The following SRD5A1 variants were observed in gnomAD, a reference collection of about 807,000 sequenced individuals.
SRD5A1 encodes 3-oxo-5-alpha-steroid 4-dehydrogenase 1.
In SRD5A1, 22 loss-of-function variants were observed where a neutral mutation model predicts 28.2. That is an observed-to-expected ratio of 0.78 (90% CI 0.56 to 1.12). SRD5A1 has a LOEUF of 1.12. SRD5A1 is among the 50% of genes most tolerant of loss of function. The pLI, the probability that SRD5A1 is intolerant of heterozygous loss-of-function variation, is 0.00. For missense variants in SRD5A1, 300 were observed against 346.7 expected, an observed-to-expected ratio of 0.87 and a Z score of 1.07; for synonymous variants, 151 against 135.0, an observed-to-expected ratio of 1.12 and a Z score of -0.82.
intron 1 of SRD5A1, among the ~76,000 whole-genome samples, chr5:6,637,896 C>T (rs1738244105): frequency 6.6e-6 from 1 of 152,196 alleles, no homozygotes; most frequent in African/African-American, 2.4e-5. Context: ...ACTTTGATTC[C>T]TTGTATCTCT....
At position 6,669,275 on chromosome 5, in the gene SRD5A1, T is replaced by G. The variant is rs1393945213; in HGVS notation, c.*1007T>G. 1 of 152,278 alleles carries G rather than the reference T, an allele frequency of 6.6e-6. No homozygotes were observed. The highest frequency in any genetic ancestry group is 2.4e-5 in the African/African-American group (1 of 41,472). The allele number at this position is 152,278 out of a possible 1,614,324, so 9.4% of individuals were successfully genotyped here. ...ATTGTTAAAATTCTCTACAGCCTTC[T>G]TTTTCTTCCATAGCTAATCTTCCTT... On this transcript the variant is annotated 3_prime_UTR_variant, in exon 5 of 5. Transcript: ENST00000274192.
chr5:6,662,594 C>T (rs1739040747), intron 3 of SRD5A1, among the ~76,000 whole-genome samples: 1 of 152,162 alleles, frequency 6.6e-6, no homozygotes, highest in South Asian at 2.1e-4. Flanking sequence ...TGTGTATTCA[C>T]ATAGACAGGT....
At chr5:6,642,028 C>T (rs948791543) in intron 1 of SRD5A1, among the ~76,000 whole-genome samples, 11 of 152,146 alleles carry the variant, frequency 7.2e-5, no homozygotes, top group Non-Finnish European at 7.4e-5. Flanking sequence ...TAGGTATTTA[C>T]GATGAGAGAA....
At chr5:6,646,001 C>G (rs1439453778) in intron 1 of SRD5A1, among the ~76,000 whole-genome samples, 1 of 152,146 alleles carries the variant, frequency 6.6e-6, no homozygotes, top group Non-Finnish European at 1.5e-5. Context: ...CCCGATCCCC[C>G]ACCCCACAAC....
rs111987505 is a variant in SRD5A1, at chr5:6,649,507, G to A, written c.294-2335G>A. Among the ~76,000 whole-genome samples, 990 of 152,316 alleles carry A rather than the reference G, an allele frequency of 6.5e-3. 8 individuals carry two copies. The highest frequency in any genetic ancestry group is 0.023 in the African/African-American group (955 of 41,562). ...CAACCTCAAACTGCTCTGGAGCAGCGAGAATTTCAAGCCAGTGGATCTTAG... is the reference window on the plus strand; with the variant it reads ...CAACCTCAAACTGCTCTGGAGCAGCAAGAATTTCAAGCCAGTGGATCTTAG... On this transcript the variant is annotated intron_variant, in intron 1 of 4. Coordinates refer to ENST00000274192, the MANE Select transcript of SRD5A1 (RefSeq NM_001047.4).
At position 6,670,679 on chromosome 5, in the gene SRD5A1, A is replaced by T. The variant is rs1263978474; in HGVS notation, c.*2411A>T. 6.6e-6 allele frequency: 1 copy of T among 152,252 alleles called. No homozygotes were observed. The highest frequency in any genetic ancestry group is 2.4e-5 in the African/African-American group (1 of 41,464). The allele number at this position is 152,252 out of a possible 1,614,324, so 9.4% of individuals were successfully genotyped here. ...GGTAAGAAACAAGTAAGTAGCTAAA[A>T]TAATGTTAGGTAGAAAAAAATAACA... On this transcript the variant is annotated 3_prime_UTR_variant, in exon 5 of 5. Transcript: ENST00000274192.
intron 2 of SRD5A1, among the ~76,000 whole-genome samples, chr5:6,655,863 C>T (rs1025751923): frequency 5.3e-5 from 8 of 152,148 alleles, no homozygotes; most frequent in Admixed American, 2.6e-4. Context: ...ATTTTGAGTA[C>T]ATTAGATGAT....
At chr5:6,649,009 G>T (rs1261723846) in intron 1 of SRD5A1, among the ~76,000 whole-genome samples, 1 of 152,106 alleles carries the variant, frequency 6.6e-6, no homozygotes, top group African/African-American at 2.4e-5. Context: ...GAGTTTGCTG[G>T]AGGTCCGCTC....
rs1426292620 is a variant in SRD5A1 at position 6,633,457 on chromosome 5, G to A, written c.-120G>A. On this transcript the variant is annotated 5_prime_UTR_variant, in exon 1 of 5. Coordinates refer to ENST00000274192, the MANE Select transcript of SRD5A1 (RefSeq NM_001047.4). The stretch of plus-strand genomic sequence containing the variant: ...TTGAGAACCCTTTCTGCAGAGTCCC[G>A]GCAGTGCGGGACTCCGGTAGCCGCC... The A allele has an allele frequency of 7.7e-6, 9 of 1,166,010 alleles. No homozygotes were observed. The highest frequency in any genetic ancestry group is 1.8e-5 in the South Asian group (1 of 56,148). 72.2% of individuals were successfully genotyped at this position (1,166,010 alleles called of 1,614,324 possible). A position where few individuals can be genotyped will look rare whatever the true frequency, so the allele number is the denominator to read the frequency against.
At chr5:6,639,434 T>A (rs1738295365) in intron 1 of SRD5A1, among the ~76,000 whole-genome samples, 2 of 152,222 alleles carry the variant, frequency 1.3e-5, no homozygotes, top group African/African-American at 4.8e-5. Flanking sequence ...GCTGGAGAAA[T>A]CACTCAAGTG....
Position 6,662,984 on chromosome 5 carries a change from T to C in SRD5A1, c.713+18T>C. 1 of 1,612,806 alleles carries C rather than the reference T, an allele frequency of 6.2e-7. No individual in the cohort carries two copies. The highest frequency in any genetic ancestry group is 8.5e-7 in the Non-Finnish European group (1 of 1,179,320). ...CATCATGAGTAAGTTTTAAAACACT[T>C]TTACCATTTGTAATTTGTTCTTTGA... is the stretch of plus-strand genomic sequence containing the variant. On this transcript the variant is annotated intron_variant, in intron 4 of 4. Transcript: ENST00000274192.
chr5:6,633,919 T>G, intron 1 of SRD5A1, 50 bp downstream of exon 1: 1 of 1,578,354 alleles, frequency 6.3e-7, no homozygotes, highest in Non-Finnish European at 8.6e-7. Context: ...CCCGGCGTCC[T>G]CTCCGACCCT....
rs1189308097 is a variant in SRD5A1, at chr5:6,651,947, A to G, written c.399A>G (p.Arg133=). 1.2e-6 allele frequency: 2 copies of G among 1,614,172 alleles called. No individual in the cohort carries two copies. The highest frequency in any genetic ancestry group is 1.1e-5 in the South Asian group (1 of 91,082). ...CCTGTAACGGCTATTTGCAAAGCAG[A>G]TACTTGAGCCATTGTGCAGTGTATG... ...FCTCNGYLQS[R]YLSHCAVYAD... The change falls in exon 2 of 5, where the codon AGA becomes AGG. Residue 133 remains arginine, a synonymous_variant. Coordinates refer to ENST00000274192, the MANE Select transcript of SRD5A1 (RefSeq NM_001047.4).
At chr5:6,655,954 C>G in intron 2 of SRD5A1, 124 bp from the exon 3 acceptor site, 1 of 707,836 alleles carries the variant, frequency 1.4e-6, no homozygotes, top group Non-Finnish European at 2.4e-6. Flanking sequence ...CCAGTTATGG[C>G]TAATATGTTA....
chr5:6,641,889 G>GCAAGTTGATGT (rs1271474208), intron 1 of SRD5A1, among the ~76,000 whole-genome samples: 42 of 152,320 alleles, frequency 2.8e-4, no homozygotes, highest in African/African-American at 9.6e-4. Flanking sequence ...AGTGCCCTGA[G>GCAAGTTGATGT]CAAGTTGATG....
At chr5:6,657,503 C>T (rs1738868788) in intron 3 of SRD5A1, among the ~76,000 whole-genome samples, 5 of 152,210 alleles carry the variant, frequency 3.3e-5, no homozygotes, top group Admixed American at 3.3e-4. Flanking sequence ...TGGGGAACAG[C>T]ATGATTCCAA....
intron 2 of SRD5A1, among the ~76,000 whole-genome samples, chr5:6,654,906 C>T (rs1036872580): frequency 5.9e-5 from 9 of 152,148 alleles, no homozygotes; most frequent in Non-Finnish European, 1.3e-4. Context: ...AGCCAAATTA[C>T]CTAGGGGTGA....
chr5:6,644,575 G>T (rs1413244694), intron 1 of SRD5A1, among the ~76,000 whole-genome samples: 1 of 152,034 alleles, frequency 6.6e-6, no homozygotes, highest in Non-Finnish European at 1.5e-5. Context: ...CTTGCTCTTG[G>T]TACTTCTCAG....
At chr5:6,650,558 A>C (rs1738639349) in intron 1 of SRD5A1, among the ~76,000 whole-genome samples, 1 of 152,146 alleles carries the variant, frequency 6.6e-6, no homozygotes, top group Non-Finnish European at 1.5e-5. Context: ...TAATTTTCTA[A>C]TTTCTTGTCC....
Sources: allele counts gnomAD v4.1 joint callset (sites outside exome capture counted in the v4.1 genomes callset), GRCh38; gene constraint gnomAD v4.1.1; transcripts MANE v1.5; gene names NCBI Gene and HGNC (gene_info 2026-07-23, HGNC 2026-07-21).